TSPAN9: variants seen among roughly 807,000 people sequenced by gnomAD.
TSPAN9 encodes the protein tetraspanin-9.
TSPAN9 carries 16 observed loss-of-function variants against 31.0 expected under a neutral mutation model. That is an observed-to-expected ratio of 0.52 (90% CI 0.35 to 0.78). The LOEUF is 0.78. TSPAN9 is among the 30% of genes least tolerant of loss of function. The pLI is 0.01. For synonymous variants in TSPAN9, 145 were observed against 121.6 expected (o/e 1.19, Z -1.27); for missense variants, 272 against 312.5 (o/e 0.87, Z 0.98).
chr12:3,256,185 G>C (rs1269603359), intron 3 of TSPAN9, among the ~76,000 whole-genome samples: 2 of 152,242 alleles, frequency 1.3e-5, no homozygotes, highest in African/African-American at 4.8e-5. Context: ...GGAGAGCTGT[G>C]GGGGCGGGGT....
chr12:3,174,496 T>C (rs2098353874), intron 2 of TSPAN9, among the ~76,000 whole-genome samples: 1 of 152,258 alleles, frequency 6.6e-6, no homozygotes, highest in African/African-American at 2.4e-5. Flanking sequence ...AGCCTGTGTG[T>C]TCTGCTGTGT....
intron 2 of TSPAN9, among the ~76,000 whole-genome samples, chr12:3,164,664 G>A (rs1018243720): frequency 2.6e-5 from 4 of 152,156 alleles, no homozygotes; most frequent in African/African-American, 4.8e-5. Flanking sequence ...GGCAAGTGCC[G>A]GCTGCAAAAC....
chr12:3,220,957 A>G (rs2098384189), intron 3 of TSPAN9, among the ~76,000 whole-genome samples: 1 of 152,186 alleles, frequency 6.6e-6, no homozygotes, highest in Non-Finnish European at 1.5e-5. Context: ...CCAAAGATGC[A>G]GAGAGATATT....
At chr12:3,239,989 A>C (rs2098395742) in intron 3 of TSPAN9, among the ~76,000 whole-genome samples, 1 of 151,598 alleles carries the variant, frequency 6.6e-6, no homozygotes, top group African/African-American at 2.4e-5. Context: ...GGTGTAACGA[A>C]TGACCTTATT....
chr12:3,270,586 A>T (rs930441189), intron 3 of TSPAN9, among the ~76,000 whole-genome samples: 1 of 152,244 alleles, frequency 6.6e-6, no homozygotes, highest in Admixed American at 6.5e-5. Flanking sequence ...CAGGAAGCCC[A>T]AACAGATGGG....
intron 3 of TSPAN9, among the ~76,000 whole-genome samples, chr12:3,267,280 G>C (rs1490590908): frequency 6.6e-6 from 1 of 152,226 alleles, no homozygotes; most frequent in African/African-American, 2.4e-5. Flanking sequence ...ATAACACCTT[G>C]TACAGCATTT....
In TSPAN9 at chr12:3,147,463, G is replaced by T. The variant is rs940562899; in HGVS notation, c.-17-53714G>T. Among the ~76,000 whole-genome samples, 5 of 152,306 alleles carry T rather than the reference G, an allele frequency of 3.3e-5. No individual in the cohort carries two copies. Among genetic ancestry groups the T allele is most frequent in the Admixed American group, 3.3e-4 (5 of 15,310 alleles). On this transcript the variant is annotated intron_variant, in intron 2 of 8. Transcript: ENST00000011898. This position sits in a 1 kb window ranked among gnomAD's most constrained non-coding sequence, Gnocchi z 4.3. ...GGTGGCATCTCCACCGACGCGACGG[G>T]AAGTGGCCTCTCCCTCCTTCAGGAT...
At chr12:3,238,022 C>T (rs1486662492) in intron 3 of TSPAN9, among the ~76,000 whole-genome samples, 1 of 152,170 alleles carries the variant, frequency 6.6e-6, no homozygotes, top group Admixed American at 6.5e-5. Flanking sequence ...GTGGATCCTT[C>T]TCTACCTTCC....
Position 3,170,694 on chromosome 12 carries a change from C to T in TSPAN9, c.-17-30483C>T, listed in dbSNP as rs112905531. On this transcript the variant is annotated intron_variant, in intron 2 of 8. Coordinates refer to ENST00000011898, the MANE Select transcript of TSPAN9 (RefSeq NM_006675.5). The surrounding 1 kb of genome is among the most constrained non-coding windows in gnomAD (Gnocchi z 4.4). The stretch of plus-strand genomic sequence containing the variant: ...GAATGAGATGGCTGCAGAGATCAGG[C>T]CTACCCAGCTGAAAACACTGCAGGA... 3.0e-3 allele frequency among the ~76,000 whole-genome samples: 460 copies of T among 152,122 alleles called. 2 individuals are homozygous for T. Among genetic ancestry groups the T allele is most frequent in the African/African-American group, 0.011 (443 of 41,502 alleles).
rs776122394 is a variant in TSPAN9, at chr12:3,187,036, G to A, written c.-17-14141G>A. On this transcript the variant is annotated intron_variant, in intron 2 of 8. Coordinates refer to ENST00000011898, the MANE Select transcript of TSPAN9 (RefSeq NM_006675.5). This position sits in a 1 kb window ranked among gnomAD's most constrained non-coding sequence, Gnocchi z 5.2. ...TACTTACACCATGGCATTGGCAAGC[G>A]CTCTGAATCGGGGCTTTTCCCCTGT... 3.9e-5 allele frequency among the ~76,000 whole-genome samples: 6 copies of A among 152,174 alleles called. No homozygotes were observed. Among genetic ancestry groups the A allele is most frequent in the East Asian group, 1.9e-4 (1 of 5,196 alleles).
At position 3,229,760 on chromosome 12, in the gene TSPAN9, C is replaced by T. The variant is rs565977798; in HGVS notation, c.63+28504C>T. ...GGTTCATCGCACCTGCCAGGCACAG[C>T]TGGGGCTGACACAGCTGGGGCTGAA... On this transcript the variant is annotated intron_variant, in intron 3 of 8. Coordinates refer to ENST00000011898, the MANE Select transcript of TSPAN9 (RefSeq NM_006675.5). Among the ~76,000 whole-genome samples, 950 of 103,956 alleles carry T rather than the reference C, an allele frequency of 9.1e-3. 10 individuals are homozygous for T. Among genetic ancestry groups the T allele is most frequent in the African/African-American group, 0.026 (911 of 34,694 alleles). 68.2% of individuals were successfully genotyped at this position (103,956 alleles called of 152,430 possible).
intron 3 of TSPAN9, among the ~76,000 whole-genome samples, chr12:3,242,667 G>A (rs564403218): frequency 2.0e-5 from 3 of 152,314 alleles, no homozygotes; most frequent in South Asian, 4.1e-4. Flanking sequence ...GGGCTCCAGC[G>A]GTCACCGGGC....
chr12:3,116,366 T>G lies in TSPAN9; in HGVS notation c.-18+32647T>G, dbSNP rs1591634804. ...TTTCTCATTGGTAAAAGGGATGTTT[T>G]TGGGTACCTACCATGTGATGACAGG... On this transcript the variant is annotated intron_variant, in intron 2 of 8. Transcript: ENST00000011898. 2.0e-5 allele frequency among the ~76,000 whole-genome samples: 3 copies of G among 152,292 alleles called. No homozygotes were observed. In the East Asian group the frequency reaches 5.8e-4, roughly 29 times the overall value.
At chr12:3,218,793 C>T (rs1217412233) in intron 3 of TSPAN9, among the ~76,000 whole-genome samples, 1 of 152,192 alleles carries the variant, frequency 6.6e-6, no homozygotes, top group Non-Finnish European at 1.5e-5. Flanking sequence ...CCCGCTGGCT[C>T]TCCGCTGCCA....
intron 2 of TSPAN9, among the ~76,000 whole-genome samples, chr12:3,150,274 C>G (rs1371065564): frequency 6.6e-6 from 1 of 152,150 alleles, no homozygotes; most frequent in Non-Finnish European, 1.5e-5. Context: ...GAATAGGGCA[C>G]ATAGCTGACT....
Position 3,201,202 on chromosome 12 carries a change from G to A in TSPAN9, c.9G>A (p.Arg3=), listed in dbSNP as rs772703511. 4 of 1,614,126 alleles carry A rather than the reference G, an allele frequency of 2.5e-6. No homozygotes were observed. The highest frequency in any genetic ancestry group is 3.4e-6 in the Non-Finnish European group (4 of 1,180,012). The stretch of plus-strand genomic sequence containing the variant: ...AATTTAAGAAGTGCAACATGGCCAG[G>A]GGCTGCCTCTGCTGCTTGAAGTACA... MA[R]GCLCCLKYMM... Residue 3 remains arginine (R), a synonymous_variant, in exon 3 of 9, where the codon AGG becomes AGA. Coordinates refer to ENST00000011898, the MANE Select transcript of TSPAN9 (RefSeq NM_006675.5).
intron 3 of TSPAN9, among the ~76,000 whole-genome samples, chr12:3,251,116 G>T (rs1457153273): frequency 6.6e-6 from 1 of 152,214 alleles, no homozygotes; most frequent in East Asian, 1.9e-4. Context: ...TTCAGTTGGT[G>T]ACTTTGTGGC....
chr12:3,089,528 C>T (rs920215151), intron 2 of TSPAN9, among the ~76,000 whole-genome samples: 2 of 151,884 alleles, frequency 1.3e-5, no homozygotes, highest in Non-Finnish European at 2.9e-5. Context: ...ATCTCCTGAC[C>T]TCGTGATCCG....
chr12:3,119,431 T>C (rs1018609055), intron 2 of TSPAN9, among the ~76,000 whole-genome samples: 1 of 152,134 alleles, frequency 6.6e-6, no homozygotes, highest in African/African-American at 2.4e-5. Flanking sequence ...GAAACTTGGG[T>C]CTGAGCTTCG....
Sources: gnomAD v4.1 joint callset for allele counts (sites outside exome capture counted in the v4.1 genomes callset) on GRCh38, gnomAD v4.1.1 for gene constraint, Gnocchi (gnomAD v3.1) non-coding constraint, MANE v1.5 for transcripts, NCBI Gene and HGNC (gene_info 2026-07-23, HGNC 2026-07-21) for gene names.